NUDCD1: variants seen among roughly 807,000 people sequenced by gnomAD.
NUDCD1 encodes nudC domain-containing protein 1.
Under a neutral mutation model 67.8 loss-of-function variants are expected in NUDCD1, and 60 were observed. The observed-to-expected ratio is 0.88, with a 90% CI of 0.72 to 1.10. NUDCD1 has a LOEUF of 1.10. Ranked by LOEUF, NUDCD1 falls within the 50% of genes least tolerant of loss-of-function variation. The pLI, the probability that NUDCD1 is intolerant of heterozygous loss-of-function variation, is 0.00. For missense variants in NUDCD1, 643 were observed against 695.0 expected (o/e 0.93, Z 0.84); for synonymous variants, 244 against 230.8 (o/e 1.06, Z -0.52).
intron 4 of NUDCD1, among the ~76,000 whole-genome samples, chr8:109,290,384 T>C (rs187133919): frequency 2.6e-5 from 4 of 152,172 alleles, no homozygotes; most frequent in Admixed American, 2.6e-4. Context: ...GAATAACAGC[T>C]TCTGTATGAC....
chr8:109,315,659 T>C (rs181689384), intron 2 of NUDCD1: 1 of 152,326 alleles, frequency 6.6e-6, no homozygotes, highest in Admixed American at 6.5e-5. Flanking sequence ...TAAGCATCTG[T>C]ACCCCACTGG....
At position 109,322,342 on chromosome 8, in the gene NUDCD1, G is replaced by T; in HGVS notation, c.240C>A (p.Thr80=). 3 of 1,555,182 alleles carry T rather than the reference G, an allele frequency of 1.9e-6. No homozygotes were observed. Among genetic ancestry groups the T allele is most frequent in the South Asian group, 2.3e-5 (2 of 86,172 alleles). ...WYQDSVYYID[T]LGRIMNLTVM... is the part of the protein sequence containing the mutation. ...CTGTTAAATTCATAATTCTTCCAAGGGTATCAATATAGTAGACACTGTCTT... is the reference window on the plus strand; with the variant it reads ...CTGTTAAATTCATAATTCTTCCAAGTGTATCAATATAGTAGACACTGTCTT... The change falls in exon 2 of 10, where the codon ACC becomes ACA. Residue 80 remains threonine (T), a synonymous_variant. Transcript: ENST00000239690.
intron 4 of NUDCD1, among the ~76,000 whole-genome samples, chr8:109,293,036 CACAT>C (rs2130029734): frequency 6.6e-6 from 1 of 151,946 alleles, no homozygotes; most frequent in South Asian, 2.1e-4. Context: ...CTGTGTATCA[CACAT>C]ATATATGCAT....
At chr8:109,299,632 T>C (rs943416928) in intron 2 of NUDCD1, among the ~76,000 whole-genome samples, 2 of 152,130 alleles carry the variant, frequency 1.3e-5, no homozygotes, top group Non-Finnish European at 2.9e-5. Flanking sequence ...CAGACACGCC[T>C]AGCCCTGCCC....
At chr8:109,294,271 T>G (rs1814784547) in intron 3 of NUDCD1, among the ~76,000 whole-genome samples, 1 of 152,046 alleles carries the variant, frequency 6.6e-6, no homozygotes, top group Non-Finnish European at 1.5e-5. Flanking sequence ...GTACCTGGTA[T>G]CCCCACATAT....
chr8:109,295,422 A>G (rs1814820978), intron 3 of NUDCD1, among the ~76,000 whole-genome samples: 1 of 152,194 alleles, frequency 6.6e-6, no homozygotes, highest in Admixed American at 6.6e-5. Flanking sequence ...TATCCAATGA[A>G]TATCTGAAAC....
intron 1 of NUDCD1, among the ~76,000 whole-genome samples, chr8:109,331,233 G>A (rs376460707): frequency 9.2e-5 from 14 of 152,244 alleles, no homozygotes; most frequent in African/African-American, 3.1e-4. Context: ...TACTCCAGAG[G>A]CTGGGGCAGA....
chr8:109,280,404 T>A (rs998346419), intron 6 of NUDCD1, among the ~76,000 whole-genome samples: 1 of 152,054 alleles, frequency 6.6e-6, no homozygotes, highest in Non-Finnish European at 1.5e-5. Flanking sequence ...TACCTCAGCA[T>A]CCCAAATGTT....
At chr8:109,259,946 T>C (rs1007662872) in intron 8 of NUDCD1, among the ~76,000 whole-genome samples, 14 of 152,230 alleles carry the variant, frequency 9.2e-5, no homozygotes, top group African/African-American at 3.1e-4. Context: ...ATACTAAAAG[T>C]AAACCTCAAA....
intron 8 of NUDCD1, among the ~76,000 whole-genome samples, chr8:109,269,052 T>C (rs545831078): frequency 6.6e-6 from 1 of 152,316 alleles, no homozygotes; most frequent in African/African-American, 2.4e-5. Context: ...AAATGAAAGA[T>C]ATTCATTTCT....
Position 109,242,981 on chromosome 8 carries a change from G to T in NUDCD1, c.*28C>A. ...CCAGGTACCACTGAATACTTTTCCA[G>T]TACAAAGAGGCCAATATGTTAGAAT... On this transcript the variant is annotated 3_prime_UTR_variant, in exon 10 of 10. Transcript: ENST00000239690. 1.3e-6 allele frequency: 2 copies of T among 1,486,810 alleles called. No homozygotes were observed. The highest frequency in any genetic ancestry group is 1.2e-5 in the South Asian group (1 of 83,096). 92.1% of individuals were successfully genotyped at this position (1,486,810 alleles called of 1,614,324 possible). A position where few individuals can be genotyped will look rare whatever the true frequency, so the allele number is the denominator to read the frequency against.
chr8:109,272,969 C>CAG (rs1814191938), intron 7 of NUDCD1, among the ~76,000 whole-genome samples: 1 of 152,140 alleles, frequency 6.6e-6, no homozygotes, highest in Admixed American at 6.5e-5. Context: ...TCCTTCCCTT[C>CAG]CCCTTCCAAT....
intron 3 of NUDCD1, 88 bp from the exon 4 acceptor site, chr8:109,293,612 T>G (rs879615800): frequency 3.2e-6 from 2 of 615,398 alleles, no homozygotes; most frequent in Non-Finnish European, 2.5e-6. Context: ...TTCTGGTGAT[T>G]CAACAGTTAT....
At chr8:109,307,597 G>C (rs1029786303) in intron 2 of NUDCD1, among the ~76,000 whole-genome samples, 1 of 151,876 alleles carries the variant, frequency 6.6e-6, no homozygotes, top group Non-Finnish European at 1.5e-5. Flanking sequence ...CATATATACG[G>C]GCAACAAAGA....
At chr8:109,332,480 T>C (rs891005557) in intron 1 of NUDCD1, among the ~76,000 whole-genome samples, 1 of 152,086 alleles carries the variant, frequency 6.6e-6, no homozygotes, top group African/African-American at 2.4e-5. Flanking sequence ...GAGGAGACCA[T>C]GTGAAAGAAT....
At chr8:109,252,978 C>G (rs1813654657) in intron 8 of NUDCD1, among the ~76,000 whole-genome samples, 1 of 152,202 alleles carries the variant, frequency 6.6e-6, no homozygotes, top group African/African-American at 2.4e-5. Flanking sequence ...AGACCAGTGA[C>G]AATTCAATAT....
At chr8:109,291,015 C>CT (rs148663580) in intron 4 of NUDCD1, among the ~76,000 whole-genome samples, 1,687 of 152,286 alleles carry the variant, frequency 0.011, 47 homozygotes, top group African/African-American at 0.039. Context: ...TCCTACTTGA[C>CT]TTTAAAGATC....
At chr8:109,299,699 C>T (rs1305076436) in intron 2 of NUDCD1, among the ~76,000 whole-genome samples, 2 of 152,204 alleles carry the variant, frequency 1.3e-5, no homozygotes, top group Non-Finnish European at 2.9e-5. Flanking sequence ...GGCATATACT[C>T]TTGGGAGTTC....
chr8:109,259,711 A>T (rs1813822910), intron 8 of NUDCD1, among the ~76,000 whole-genome samples: 1 of 152,180 alleles, frequency 6.6e-6, no homozygotes, highest in Non-Finnish European at 1.5e-5. Context: ...GTATCTTCTC[A>T]CTGATTTGGT....
Sources: gnomAD v4.1 joint callset for allele counts (sites outside exome capture counted in the v4.1 genomes callset) on GRCh38, gnomAD v4.1.1 for gene constraint, MANE v1.5 for transcripts, NCBI Gene and HGNC (gene_info 2026-07-23, HGNC 2026-07-21) for gene names.